The following FGF14 variants were observed in gnomAD, a reference collection of about 807,000 sequenced individuals.
FGF14 encodes the protein fibroblast growth factor 14.
Under a neutral mutation model 25.5 loss-of-function variants are expected in FGF14, and 5 were observed. The ratio of observed to expected loss-of-function variants is 0.20; its 90% CI spans 0.10 to 0.41. The LOEUF (loss-of-function observed/expected upper bound fraction) is 0.41. Among genes scored for constraint, FGF14 ranks in the 10% least tolerant of loss-of-function variants. The pLI, the probability that FGF14 is intolerant of heterozygous loss-of-function variation, is 1.00. For synonymous variants in FGF14, 138 were observed against 118.3 expected, an observed-to-expected ratio of 1.17 and a Z score of -1.08; for missense variants, 222 against 320.1, an observed-to-expected ratio of 0.69 and a Z score of 2.34.
At chr13:102,113,977 G>A (rs553909354) in intron 1 of FGF14, among the ~76,000 whole-genome samples, 2 of 152,312 alleles carry the variant, frequency 1.3e-5, no homozygotes, top group African/African-American at 2.4e-5. Context: ...TTACCTCAAG[G>A]TGAGACAGGA....
At chr13:101,785,571 G>A (rs2039766657) in intron 3 of FGF14, among the ~76,000 whole-genome samples, 1 of 151,984 alleles carries the variant, frequency 6.6e-6, no homozygotes, top group Non-Finnish European at 1.5e-5. Context: ...TAAACTTTAA[G>A]TTTAAACTAA....
chr13:102,322,891 A>C (rs1354069367), intron 1 of FGF14, among the ~76,000 whole-genome samples: 1 of 152,190 alleles, frequency 6.6e-6, no homozygotes, highest in Non-Finnish European at 1.5e-5. Flanking sequence ...CATTAAAAAA[A>C]AAAAGTTGCC....
At chr13:102,081,587 T>A (rs530759174) in intron 1 of FGF14, among the ~76,000 whole-genome samples, 9 of 150,694 alleles carry the variant, frequency 6.0e-5, no homozygotes, top group East Asian at 1.9e-4. Context: ...CTGCTCTTTT[T>A]AAAAAAAAAA....
intron 1 of FGF14, among the ~76,000 whole-genome samples, chr13:102,247,038 T>C (rs2051911515): frequency 6.6e-6 from 1 of 152,128 alleles, no homozygotes; most frequent in South Asian, 2.1e-4. Flanking sequence ...GTTAGCCATA[T>C]GCAGAAGACT....
At chr13:102,351,655 A>G (rs931386686) in intron 1 of FGF14, among the ~76,000 whole-genome samples, 3 of 152,166 alleles carry the variant, frequency 2.0e-5, no homozygotes, top group Non-Finnish European at 4.4e-5. Flanking sequence ...TGGCAGGTCC[A>G]CTTCTAAGCT....
chr13:101,749,643 G>A (rs1234658231), intron 3 of FGF14, among the ~76,000 whole-genome samples: 1 of 152,002 alleles, frequency 6.6e-6, no homozygotes, highest in Non-Finnish European at 1.5e-5. Flanking sequence ...TTGACTTTTT[G>A]TCTATATAAA....
chr13:101,840,091 C>T (rs1157166128), intron 3 of FGF14, among the ~76,000 whole-genome samples: 1 of 151,974 alleles, frequency 6.6e-6, no homozygotes, highest in Non-Finnish European at 1.5e-5. Flanking sequence ...GAAATAACTA[C>T]TTGGAAATGT....
chr13:102,176,691 T>C (rs1212511610), intron 1 of FGF14, among the ~76,000 whole-genome samples: 1 of 152,028 alleles, frequency 6.6e-6, no homozygotes, highest in Non-Finnish European at 1.5e-5. Flanking sequence ...GCTAAAAGGA[T>C]AGATATCATG....
chr13:101,804,619 C>T (rs1477636340), intron 3 of FGF14, among the ~76,000 whole-genome samples: 1 of 152,060 alleles, frequency 6.6e-6, no homozygotes, highest in Non-Finnish European at 1.5e-5. Context: ...TGTGGGAAGG[C>T]ACATTTAAAT....
intron 1 of FGF14, among the ~76,000 whole-genome samples, chr13:101,952,620 C>T (rs1382094604): frequency 6.6e-6 from 1 of 151,890 alleles, no homozygotes; most frequent in African/African-American, 2.4e-5. Context: ...TCTTTTTTTC[C>T]CTGACATGGC....
At chr13:101,796,208 A>G (rs2040511596) in intron 3 of FGF14, among the ~76,000 whole-genome samples, 1 of 152,130 alleles carries the variant, frequency 6.6e-6, no homozygotes, top group Non-Finnish European at 1.5e-5. Context: ...GATTTAATAT[A>G]TACTAAACCC....
At chr13:101,927,886 T>C (rs1168244865) in intron 1 of FGF14, among the ~76,000 whole-genome samples, 1 of 152,168 alleles carries the variant, frequency 6.6e-6, no homozygotes, top group African/African-American at 2.4e-5. Flanking sequence ...AAAGGGAGGA[T>C]GAGACTCAGA....
chr13:101,937,371 T>C (rs2035170482), intron 1 of FGF14, among the ~76,000 whole-genome samples: 1 of 151,974 alleles, frequency 6.6e-6, no homozygotes. Flanking sequence ...GGCTGTCAGG[T>C]GGGTCCTACT....
intron 1 of FGF14, among the ~76,000 whole-genome samples, chr13:102,160,028 A>C (rs2047549460): frequency 6.6e-6 from 1 of 152,124 alleles, no homozygotes; most frequent in Non-Finnish European, 1.5e-5. Context: ...CTTCAGTCTC[A>C]TCTCTTATTC....
intron 1 of FGF14, among the ~76,000 whole-genome samples, chr13:102,118,973 A>C (rs1190214800): frequency 6.6e-6 from 1 of 152,164 alleles, no homozygotes; most frequent in Non-Finnish European, 1.5e-5. Context: ...AATTTAGAAG[A>C]ATGATAGACT....
intron 1 of FGF14, among the ~76,000 whole-genome samples, chr13:102,347,768 G>A (rs2057155295): frequency 6.6e-6 from 1 of 152,142 alleles, no homozygotes; most frequent in Non-Finnish European, 1.5e-5. Context: ...GGTGATGCTA[G>A]AGAGGAAACA....
At chr13:101,961,291 G>T (rs921846782) in intron 1 of FGF14, among the ~76,000 whole-genome samples, 24 of 152,218 alleles carry the variant, frequency 1.6e-4, no homozygotes, top group African/African-American at 5.5e-4. Flanking sequence ...GTACTGCCTA[G>T]ATTTTCTTCT....
intron 1 of FGF14, chr13:102,366,618 CAAAAAAAAAAAAAA>C (rs57953786): frequency 4.3e-5 from 2 of 46,792 alleles, no homozygotes; most frequent in Admixed American, 2.8e-4. Context: ...ATTCTCCTTG[CAAAAAAAAAAAAAA>C]AAAAAAAAAA....
At chr13:101,816,071 C>T (rs565857351) in intron 3 of FGF14, among the ~76,000 whole-genome samples, 13 of 151,560 alleles carry the variant, frequency 8.6e-5, no homozygotes, top group Admixed American at 4.6e-4. Context: ...GAGATCGAGA[C>T]CATCTTGGCT....
Sources: allele counts gnomAD v4.1 joint callset (sites outside exome capture counted in the v4.1 genomes callset), GRCh38; gene constraint gnomAD v4.1.1; transcripts MANE v1.5; gene names NCBI Gene and HGNC (gene_info 2026-07-23, HGNC 2026-07-21).